Variants in TBC1D2B observed in about 807,000 individuals in gnomAD.
TBC1D2B encodes the protein TBC1 domain family member 2B.
Under a neutral mutation model 100.8 loss-of-function variants are expected in TBC1D2B, and 64 were observed. The ratio of observed to expected loss-of-function variants is 0.64; its 90% confidence interval spans 0.52 to 0.78. The LOEUF is 0.78. Among genes scored for constraint, TBC1D2B ranks in the 30% least tolerant of loss-of-function variants. The pLI is 0.00. For missense variants in TBC1D2B, 1,052 were observed against 1,218.4 expected (o/e 0.86, Z 2.03); for synonymous variants, 480 against 479.7 (o/e 1.00, Z -0.01).
intron 4 of TBC1D2B, among the ~76,000 whole-genome samples, chr15:78,026,708 G>A (rs554986910): frequency 6.6e-6 from 1 of 152,208 alleles, no homozygotes; most frequent in African/African-American, 2.4e-5. Context: ...CTGAGGTCGG[G>A]AGTTCGAGAC....
chr15:78,052,662 A>C (rs2073338769), intron 2 of TBC1D2B, among the ~76,000 whole-genome samples: 1 of 152,202 alleles, frequency 6.6e-6, no homozygotes, highest in Non-Finnish European at 1.5e-5. Flanking sequence ...TCTTTGCTAG[A>C]AAGAAGCACT....
chr15:78,077,216 T>C, intron 1 of TBC1D2B, 77 bp downstream of exon 1: 6 of 1,383,994 alleles, frequency 4.3e-6, no homozygotes, highest in Non-Finnish European at 4.7e-6. Flanking sequence ...GGAAGGAGGG[T>C]GGATGGCGCA....
In TBC1D2B at chr15:78,003,429, A is replaced by G. The variant is rs769658587; in HGVS notation, c.2450T>C (p.Phe817Ser). Reference sequence around the variant, plus strand: ...AGTGTAGTCGACTTTGTACTGTTCAAAGTGGCCATGCAACCGAGGCAGCTT... The same window carrying G: ...AGTGTAGTCGACTTTGTACTGTTCAGAGTGGCCATGCAACCGAGGCAGCTT... ...SEKLPRLHGH[F>S]EQYKVDYTLI... Residue 817 changes from phenylalanine (F) to serine (S), a missense_variant, in exon 11 of 13, where the codon TTT becomes TCT. By Grantham distance (155) the Phe-to-Ser change is radical (BLOSUM62 -2). Around this residue, in one of 4 missense-constraint regions of TBC1D2B, gnomAD observed 373 missense variants for 464.9 expected, o/e 0.80. Transcript: ENST00000300584. The G allele has an allele frequency of 1.9e-6, 3 of 1,613,690 alleles. No homozygotes were observed. In the Admixed American group the frequency reaches 5.0e-5, roughly 27 times the overall value.
rs1338379996 is a variant in TBC1D2B at position 77,995,250 on chromosome 15, G to A, written c.*2910C>T. The A allele has an allele frequency of 6.6e-6, 1 of 152,208 alleles. No individual in the cohort carries two copies. Among genetic ancestry groups the A allele is most frequent in the Non-Finnish European group, 1.5e-5 (1 of 68,050 alleles). The allele number at this position is 152,208 out of a possible 1,614,324, so 9.4% of individuals were successfully genotyped here. On this transcript the variant is annotated 3_prime_UTR_variant, in exon 13 of 13. Transcript: ENST00000300584. The stretch of plus-strand genomic sequence containing the variant: ...GGAAGACAACACTATAGGATGGCAG[G>A]TGGGGATCTGTGCAATACAAACATG...
At chr15:78,066,090 A>G (rs2073651386) in intron 1 of TBC1D2B, 2 of 470,954 alleles carry the variant, frequency 4.2e-6, no homozygotes, top group Non-Finnish European at 8.8e-6. Context: ...ATGCCAAGTG[A>G]ACACTGTTCC....
At chr15:78,066,277 G>A (rs1182224321) in intron 1 of TBC1D2B, among the ~76,000 whole-genome samples, 1 of 152,180 alleles carries the variant, frequency 6.6e-6, no homozygotes, top group African/African-American at 2.4e-5. Context: ...ATAAACCACA[G>A]AGAGTCAACC....
chr15:78,039,751 T>TACACAC (rs3972618), intron 3 of TBC1D2B, among the ~76,000 whole-genome samples: 57 of 148,106 alleles, frequency 3.8e-4, no homozygotes, highest in African/African-American at 1.2e-3. Context: ...AGAGGCTTAC[T>TACACAC]ACACACACAC....
chr15:78,006,156 A>G (rs531923546), intron 10 of TBC1D2B, among the ~76,000 whole-genome samples: 6 of 152,284 alleles, frequency 3.9e-5, no homozygotes, highest in South Asian at 4.1e-4. Context: ...CCTCCCCCCA[A>G]GTTCCTAACC....
intron 6 of TBC1D2B, among the ~76,000 whole-genome samples, chr15:78,018,297 G>A (rs2072427726): frequency 6.6e-6 from 1 of 151,886 alleles, no homozygotes; most frequent in Admixed American, 6.6e-5. Context: ...TATTCATTGA[G>A]GTGGTTAAAA....
At chr15:78,065,471 G>A (rs987076985) in intron 1 of TBC1D2B, among the ~76,000 whole-genome samples, 11 of 152,272 alleles carry the variant, frequency 7.2e-5, no homozygotes, top group African/African-American at 2.4e-4. Context: ...GGACATGCTC[G>A]TCCCTACAGG....
intron 1 of TBC1D2B, among the ~76,000 whole-genome samples, chr15:78,066,786 G>GC (rs1291145943): frequency 6.6e-6 from 1 of 152,174 alleles, no homozygotes; most frequent in Non-Finnish European, 1.5e-5. Flanking sequence ...TCTGCCAACT[G>GC]CCTGTTTTCC....
At chr15:78,012,040 G>A (rs2072245173) in intron 9 of TBC1D2B, among the ~76,000 whole-genome samples, 1 of 152,210 alleles carries the variant, frequency 6.6e-6, no homozygotes, top group Non-Finnish European at 1.5e-5. Flanking sequence ...CTCCCAAAGT[G>A]TTGGGATTAC....
intron 3 of TBC1D2B, among the ~76,000 whole-genome samples, chr15:78,038,998 A>G (rs1237287335): frequency 2.0e-5 from 3 of 152,208 alleles, no homozygotes; most frequent in African/African-American, 7.2e-5. Flanking sequence ...CCATTGCACC[A>G]CTGCAGAAAC....
In TBC1D2B at chr15:78,016,513, T is replaced by G. The variant is rs752031294; in HGVS notation, c.1775+33A>C. The G allele has an allele frequency of 6.9e-6, 11 of 1,599,120 alleles. No homozygotes were observed. In the East Asian group the frequency reaches 2.5e-4, roughly 36 times the overall value. ...TGAAAAAGGGACTTCAGAAATGGGG[T>G]GCACTACCCTCAACAGTCACTAGCA... On this transcript the variant is annotated intron_variant, in intron 8 of 12. Coordinates refer to ENST00000300584, the MANE Select transcript of TBC1D2B (RefSeq NM_144572.2).
intron 2 of TBC1D2B, chr15:78,053,732 G>A (rs1369511748): frequency 7.3e-6 from 2 of 272,274 alleles, no homozygotes; most frequent in African/African-American, 2.2e-5. Flanking sequence ...ATCATTAGGT[G>A]TAGTAGAAAG....
At chr15:78,060,637 T>A (rs551801584) in intron 1 of TBC1D2B, among the ~76,000 whole-genome samples, 1 of 151,756 alleles carries the variant, frequency 6.6e-6, no homozygotes, top group Non-Finnish European at 1.5e-5. Flanking sequence ...TATCTCTTGG[T>A]TGGGCACTGT....
At chr15:78,024,579 G>C (rs1371806865) in intron 5 of TBC1D2B, 40 bp from the exon 6 acceptor site, 1 of 1,541,410 alleles carries the variant, frequency 6.5e-7, no homozygotes, top group Non-Finnish European at 8.7e-7. Context: ...GGTGAAAAGA[G>C]CAAGGAGAGG....
chr15:78,019,116 G>C (rs1168136372), intron 6 of TBC1D2B, among the ~76,000 whole-genome samples: 1 of 152,048 alleles, frequency 6.6e-6, no homozygotes, highest in Non-Finnish European at 1.5e-5. Context: ...TGCGGCTACA[G>C]AAACTCCCCA....
intron 6 of TBC1D2B, among the ~76,000 whole-genome samples, chr15:78,020,423 C>T (rs758526938): frequency 6.6e-6 from 1 of 152,120 alleles, no homozygotes; most frequent in Non-Finnish European, 1.5e-5. Context: ...TTCTCTAGAA[C>T]GATGATGATC....
Sources: gnomAD v4.1 joint callset for allele counts (sites outside exome capture counted in the v4.1 genomes callset) on GRCh38, gnomAD v4.1.1 for gene constraint, gnomAD v4.1.1 regional missense constraint, MANE v1.5 for transcripts, NCBI Gene and HGNC (gene_info 2026-07-23, HGNC 2026-07-21) for gene names.